SHISAL1: variants seen among roughly 807,000 people sequenced by gnomAD.
SHISAL1 encodes the protein shisa like 1, also known as protein shisa-like-1.
In SHISAL1, 9 loss-of-function variants were observed where a neutral mutation model predicts 22.6. The observed-to-expected ratio is 0.40, with a 90% CI of 0.24 to 0.70. SHISAL1 has a LOEUF of 0.70. SHISAL1 is among the 30% of genes least tolerant of loss of function. SHISAL1 has a pLI of 0.39. For synonymous variants in SHISAL1, 119 were observed against 115.4 expected (o/e 1.03, Z -0.20); for missense variants, 246 against 270.6 (o/e 0.91, Z 0.64).
intron 2 of SHISAL1, among the ~76,000 whole-genome samples, chr22:44,299,510 A>T (rs1313022529): frequency 6.6e-6 from 1 of 152,208 alleles, no homozygotes; most frequent in Non-Finnish European, 1.5e-5. Flanking sequence ...TGGGGAGAGC[A>T]GCTGGGTAGC....
chr22:44,267,018 T>C (rs2055168904), intron 4 of SHISAL1, among the ~76,000 whole-genome samples: 1 of 152,112 alleles, frequency 6.6e-6, no homozygotes, highest in African/African-American at 2.4e-5. Flanking sequence ...GCCCAGCGGC[T>C]TCTGGCAGAC....
At chr22:44,252,363 ATGT>A (rs899391379) in intron 4 of SHISAL1, among the ~76,000 whole-genome samples, 3 of 152,198 alleles carry the variant, frequency 2.0e-5, no homozygotes, top group Non-Finnish European at 2.9e-5. Flanking sequence ...GAGAAAATAA[ATGT>A]TGTCTAGAGA....
the SHISAL1 span, among the ~76,000 whole-genome samples, chr22:44,329,057 G>A: frequency 4.6e-5 from 7 of 152,136 alleles, no homozygotes; most frequent in South Asian, 2.1e-4. Context: ...GGTGCCTACC[G>A]CACGTGCACT....
chr22:44,253,888 C>A (rs2055067114), intron 4 of SHISAL1, among the ~76,000 whole-genome samples: 4 of 151,486 alleles, frequency 2.6e-5, no homozygotes, highest in Non-Finnish European at 2.9e-5. Flanking sequence ...TATTCAAATG[C>A]TCTTGAAAGT....
chr22:44,315,639 GC>G (rs1214043884), upstream of SHISAL1, among the ~76,000 whole-genome samples: 1 of 152,138 alleles, frequency 6.6e-6, no homozygotes, highest in East Asian at 1.9e-4. Context: ...TGAGCTGGTG[GC>G]CCCATGTCAC....
rs142109416 is a variant in SHISAL1, at chr22:44,288,364, C to T, written c.282-2619G>A. Reference sequence around the variant, plus strand: ...GAAAAGCTGCTCCAGGGGCCAGGCGCGGTGGCTCATGCCTGTAATCCCAGC... The same window carrying T: ...GAAAAGCTGCTCCAGGGGCCAGGCGTGGTGGCTCATGCCTGTAATCCCAGC... On this transcript the variant is annotated intron_variant, in intron 3 of 4. Transcript: ENST00000381176. Among the ~76,000 whole-genome samples the T allele has an allele frequency of 9.3e-3, 1,416 of 152,292 alleles. 23 individuals carry two copies. Among genetic ancestry groups the T allele is most frequent in the African/African-American group, 0.033 (1,356 of 41,548 alleles).
chr22:44,302,857 A>G lies in SHISAL1; in HGVS notation c.-32-1880T>C, dbSNP rs538791741. ...GGGGTGGGTGCGGTGAGGAGGCAGCAGGGGCAAAGGCCCTGGGGTGGGTGC... is the reference window on the plus strand; with the variant it reads ...GGGGTGGGTGCGGTGAGGAGGCAGCGGGGGCAAAGGCCCTGGGGTGGGTGC... On this transcript the variant is annotated intron_variant, in intron 1 of 4. Transcript: ENST00000381176. Among the ~76,000 whole-genome samples the G allele has an allele frequency of 1.3e-3, 77 of 58,832 alleles. 5 individuals carry two copies. The highest frequency in any genetic ancestry group is 7.9e-3 in the African/African-American group (59 of 7,480). 38.6% of individuals were successfully genotyped at this position (58,832 alleles called of 152,430 possible).
intron 4 of SHISAL1, among the ~76,000 whole-genome samples, chr22:44,282,932 C>G (rs1393624300): frequency 6.6e-6 from 1 of 152,194 alleles, no homozygotes; most frequent in Non-Finnish European, 1.5e-5. Flanking sequence ...GACCAGGGAC[C>G]TAGTCGGGTT....
intron 4 of SHISAL1, among the ~76,000 whole-genome samples, chr22:44,258,577 T>C (rs1488124359): frequency 6.6e-6 from 1 of 152,206 alleles, no homozygotes; most frequent in African/African-American, 2.4e-5. Context: ...GTATTGGGTT[T>C]TCTGTTCCTG....
the SHISAL1 span, among the ~76,000 whole-genome samples, chr22:44,317,962 T>G: frequency 2.0e-5 from 3 of 152,262 alleles, no homozygotes; most frequent in Non-Finnish European, 4.4e-5. Context: ...CTTCCCGAGC[T>G]GGGCTCTGCC....
chr22:44,285,533 G>A lies in SHISAL1; in HGVS notation c.494C>T (p.Pro165Leu), dbSNP rs372785890. The change falls in exon 4 of 5, where the codon CCG (proline) becomes CTG (leucine). Residue 165 changes from proline (P) to leucine (L), a missense_variant. Pro to Leu is a moderately conservative substitution (Grantham distance 98). Transcript: ENST00000381176. ...APRPGQRAPQ[P>L]QPPPGPLPQA... ...TGGCAGCGGGCCTGGGGGAGGCTGC[G>A]GCTGTGGGGCCCGCTGACCCGGCCG... The A allele has an allele frequency of 7.5e-5, 121 of 1,613,046 alleles. No individual in the cohort carries two copies. The Admixed American group carries it at 1.7e-3, about 22-fold the overall frequency.
At chr22:44,260,406 C>G (rs551861304) in intron 4 of SHISAL1, among the ~76,000 whole-genome samples, 1 of 152,296 alleles carries the variant, frequency 6.6e-6, no homozygotes, top group Admixed American at 6.5e-5. Flanking sequence ...AGCCCAGGAC[C>G]TGGTGACAAT....
chr22:44,290,668 T>C (rs895078532), intron 3 of SHISAL1, among the ~76,000 whole-genome samples: 4 of 152,138 alleles, frequency 2.6e-5, no homozygotes, highest in East Asian at 1.9e-4. Context: ...GAATCCCAGC[T>C]TGGCAAAATT....
intron 2 of SHISAL1, 40 bp downstream of exon 2, chr22:44,300,839 C>T: frequency 1.3e-6 from 2 of 1,572,576 alleles, no homozygotes; most frequent in Non-Finnish European, 1.7e-6. Flanking sequence ...CCCACACCCC[C>T]ACGTGCCGCC....
chr22:44,269,940 C>G (rs1391708750), intron 4 of SHISAL1, among the ~76,000 whole-genome samples: 1 of 152,186 alleles, frequency 6.6e-6, no homozygotes, highest in Non-Finnish European at 1.5e-5. Flanking sequence ...TTGGGTCAGA[C>G]CTCTGAGTTG....
chr22:44,296,139 C>T (rs1341983342), intron 3 of SHISAL1, among the ~76,000 whole-genome samples: 6 of 145,284 alleles, frequency 4.1e-5, no homozygotes, highest in Admixed American at 4.1e-4. Flanking sequence ...TATTCTGTGT[C>T]CCTCCCTCCC....
intron 4 of SHISAL1, among the ~76,000 whole-genome samples, chr22:44,269,456 C>T (rs1160441211): frequency 1.6e-5 from 2 of 121,486 alleles, no homozygotes. Flanking sequence ...CCATGCCACA[C>T]AGACGCCCAC....
the SHISAL1 span, among the ~76,000 whole-genome samples, chr22:44,326,977 T>C: frequency 6.6e-6 from 1 of 152,072 alleles, no homozygotes; most frequent in Non-Finnish European, 1.5e-5. Context: ...ATGTCCACCA[T>C]GTCTGCAATA....
At chr22:44,296,944 G>A in intron 2 of SHISAL1, 59 bp from the exon 3 acceptor site, 2 of 1,396,456 alleles carry the variant, frequency 1.4e-6, no homozygotes, top group Non-Finnish European at 1.0e-6. Flanking sequence ...GGTGCCAAGA[G>A]GCAGGGGGAC....
Sources: allele counts gnomAD v4.1 joint callset (sites outside exome capture counted in the v4.1 genomes callset), GRCh38; gene constraint gnomAD v4.1.1; transcripts MANE v1.5; gene names NCBI Gene and HGNC (gene_info 2026-07-23, HGNC 2026-07-21).